RORA: variants seen among roughly 807,000 people sequenced by gnomAD.
RORA encodes RAR related orphan receptor A.
RORA carries 7 observed loss-of-function variants against 69.5 expected under a neutral mutation model. The ratio of observed to expected loss-of-function variants is 0.10; its 90% CI spans 0.06 to 0.19. The LOEUF (loss-of-function observed/expected upper bound fraction) is 0.19, where lower values mean the gene tolerates loss of function less well. RORA is among the 10% of genes least tolerant of loss of function. RORA has a pLI of 1.00. For synonymous variants in RORA, 261 were observed against 240.8 expected, an observed-to-expected ratio of 1.08 and a Z score of -0.78; for missense variants, 457 against 663.0, an observed-to-expected ratio of 0.69 and a Z score of 3.41.
intron 1 of RORA, among the ~76,000 whole-genome samples, chr15:61,054,829 T>G (rs1384733731): frequency 2.0e-5 from 3 of 149,164 alleles, no homozygotes; most frequent in South Asian, 2.1e-4. Context: ...GTTTTTTGTT[T>G]TTTTTTTTTT....
chr15:61,000,116 A>C (rs59674446), intron 1 of RORA, among the ~76,000 whole-genome samples: 8,774 of 152,244 alleles, frequency 0.058, 839 homozygotes, highest in African/African-American at 0.2. Context: ...CAGATGTAAA[A>C]TTATAGGATA....
At position 60,488,709 on chromosome 15, in the gene RORA, T is replaced by TA. The variant is rs2064992453; in HGVS notation, c.*8745dup. 6.6e-6 allele frequency: 1 copy of TA among 152,236 alleles called. No individual in the cohort carries two copies. Among genetic ancestry groups the TA allele is most frequent in the Admixed American group, 6.5e-5 (1 of 15,284 alleles). 9.4% of individuals were successfully genotyped at this position (152,236 alleles called of 1,614,324 possible). A position where few individuals can be genotyped will look rare whatever the true frequency, so the allele number is the denominator to read the frequency against. On this transcript the variant is annotated 3_prime_UTR_variant, in exon 11 of 11. Coordinates refer to ENST00000335670, the MANE Select transcript of RORA (RefSeq NM_134261.3). Reference sequence around the variant, plus strand: ...TTTAGTGTGGCAGAAAAGGAGTTTTTACATACTGTACACAAAACAGACAGC... The same window carrying TA: ...TTTAGTGTGGCAGAAAAGGAGTTTTTAACATACTGTACACAAAACAGACAGC...
intron 3 of RORA, chr15:60,529,766 A>G (rs2066473934): frequency 6.6e-6 from 1 of 152,210 alleles, no homozygotes; most frequent in African/African-American, 2.4e-5. Context: ...GTTTTACTCA[A>G]TAGCATGTTG....
chr15:60,940,999 T>A lies in RORA; in HGVS notation c.167-262313A>T, dbSNP rs80110218. Reference sequence around the variant, plus strand: ...GAAAACAAATGTTGACCAAGGCAAATGGCCATGATTTTTCTCCTATGTGAT... The same window carrying A: ...GAAAACAAATGTTGACCAAGGCAAAAGGCCATGATTTTTCTCCTATGTGAT... On this transcript the variant is annotated intron_variant, in intron 1 of 10. Coordinates refer to ENST00000335670, the MANE Select transcript of RORA (RefSeq NM_134261.3). 4.0e-3 allele frequency among the ~76,000 whole-genome samples: 603 copies of A among 152,254 alleles called. 3 individuals carry two copies. The highest frequency in any genetic ancestry group is 0.014 in the African/African-American group (581 of 41,542).
At chr15:61,141,366 T>A (rs1173035062) in intron 1 of RORA, among the ~76,000 whole-genome samples, 1 of 152,162 alleles carries the variant, frequency 6.6e-6, no homozygotes. Flanking sequence ...TTAAAGCCAA[T>A]ACACATGTTA....
chr15:61,070,475 C>T (rs1395171588), intron 1 of RORA, among the ~76,000 whole-genome samples: 2 of 152,208 alleles, frequency 1.3e-5, no homozygotes, highest in Non-Finnish European at 2.9e-5. Flanking sequence ...TCTGTAGACC[C>T]TGGCCTAAAC....
chr15:61,144,125 C>T (rs1163974450), intron 1 of RORA, among the ~76,000 whole-genome samples: 1 of 152,140 alleles, frequency 6.6e-6, no homozygotes, highest in Non-Finnish European at 1.5e-5. Context: ...ACTGGGCTCC[C>T]TGGGAAGCAG....
At chr15:60,773,334 G>T (rs1419036620) in intron 1 of RORA, among the ~76,000 whole-genome samples, 1 of 151,794 alleles carries the variant, frequency 6.6e-6, no homozygotes, top group Admixed American at 6.6e-5. Context: ...TCTTTCTCTT[G>T]CTCTACATGG....
chr15:61,207,866 C>T (rs572462944), intron 1 of RORA, among the ~76,000 whole-genome samples: 15 of 152,220 alleles, frequency 9.9e-5, no homozygotes, highest in African/African-American at 3.1e-4. Flanking sequence ...AGTTCCCTAA[C>T]GCAGAAACCT....
In RORA at chr15:60,592,555, A is replaced by C. The variant is rs1379552655; in HGVS notation, c.197-60704T>G. ...CGCCCGCCGAGAGCCATCCCGAGCC[A>C]TAAGAGGCTCCATGTGACCGGCTGA... On this transcript the variant is annotated intron_variant, in intron 2 of 10. Coordinates refer to ENST00000335670, the MANE Select transcript of RORA (RefSeq NM_134261.3). 4.8e-6 allele frequency: 6 copies of C among 1,260,888 alleles called. No homozygotes were observed. In the South Asian group the frequency reaches 1.3e-4, roughly 27 times the overall value. 78.1% of individuals were successfully genotyped at this position (1,260,888 alleles called of 1,614,324 possible).
At chr15:61,065,360 C>G (rs1263537277) in intron 1 of RORA, among the ~76,000 whole-genome samples, 1 of 152,310 alleles carries the variant, frequency 6.6e-6, no homozygotes, top group Non-Finnish European at 1.5e-5. Context: ...AGTTAAACTG[C>G]CATTTTCCCA....
rs28639805 is a variant in RORA at position 60,620,181 on chromosome 15, C to T, written c.196+58476G>A. 3.7e-3 allele frequency among the ~76,000 whole-genome samples: 567 copies of T among 152,286 alleles called. 7 individuals are homozygous for T. The highest frequency in any genetic ancestry group is 0.012 in the African/African-American group (504 of 41,536). On this transcript the variant is annotated intron_variant, in intron 2 of 10. Coordinates refer to ENST00000335670, the MANE Select transcript of RORA (RefSeq NM_134261.3). ...ATCTGGTGCACAGTAAGTATTAATG[C>T]ATATTTACAGATGGATCTGAATAAT...
intron 1 of RORA, among the ~76,000 whole-genome samples, chr15:61,169,259 T>C (rs1261309498): frequency 6.6e-6 from 1 of 151,068 alleles, no homozygotes; most frequent in African/African-American, 2.4e-5. Flanking sequence ...CTTACAGCCC[T>C]GTACACAGCT....
At chr15:60,904,234 A>G (rs970199681) in intron 1 of RORA, among the ~76,000 whole-genome samples, 1 of 152,186 alleles carries the variant, frequency 6.6e-6, no homozygotes, top group African/African-American at 2.4e-5. Context: ...GTTTTTCTTT[A>G]TGATATGAGC....
At chr15:61,187,670 G>T (rs1336883115) in intron 1 of RORA, among the ~76,000 whole-genome samples, 1 of 152,160 alleles carries the variant, frequency 6.6e-6, no homozygotes, top group Non-Finnish European at 1.5e-5. Context: ...GTATTTATAA[G>T]CGTTAAGACA....
chr15:61,221,859 A>T lies in RORA; in HGVS notation c.166+7194T>A, dbSNP rs1307735480. On this transcript the variant is annotated intron_variant, in intron 1 of 10. Transcript: ENST00000335670. ...CTTCCTAATTGTTTCAGGAAACTTTAAGATGTTCATAATCAAGCCAGGTGC... is the reference window on the plus strand; with the variant it reads ...CTTCCTAATTGTTTCAGGAAACTTTTAGATGTTCATAATCAAGCCAGGTGC... Among the ~76,000 whole-genome samples, 4 of 152,100 alleles carry T rather than the reference A, an allele frequency of 2.6e-5. No homozygotes were observed. In the East Asian group the frequency reaches 5.8e-4, roughly 22 times the overall value.
chr15:61,117,051 C>T (rs928511181), intron 1 of RORA, among the ~76,000 whole-genome samples: 10 of 152,110 alleles, frequency 6.6e-5, no homozygotes, highest in African/African-American at 1.9e-4. Flanking sequence ...CCTTTCAATC[C>T]CAGTCCAAGA....
chr15:60,716,366 C>T (rs1447697868), intron 1 of RORA, among the ~76,000 whole-genome samples: 1 of 152,210 alleles, frequency 6.6e-6, no homozygotes, highest in African/African-American at 2.4e-5. Flanking sequence ...CTTCTGAATG[C>T]ACTTGCAGTT....
chr15:60,861,145 T>C (rs1007305612), intron 1 of RORA, among the ~76,000 whole-genome samples: 1 of 152,202 alleles, frequency 6.6e-6, no homozygotes, highest in African/African-American at 2.4e-5. Flanking sequence ...TTCATGATGA[T>C]ATATCCTTAT....
Sources: allele counts gnomAD v4.1 joint callset (sites outside exome capture counted in the v4.1 genomes callset), GRCh38; gene constraint gnomAD v4.1.1; transcripts MANE v1.5; gene names NCBI Gene and HGNC (gene_info 2026-07-23, HGNC 2026-07-21).